The following GPLD1 variants were observed in gnomAD, a reference collection of about 807,000 sequenced individuals.
GPLD1 encodes glycosylphosphatidylinositol specific phospholipase D1.
GPLD1 carries 84 observed loss-of-function variants against 112.6 expected under a neutral mutation model. The observed-to-expected ratio is 0.75, with a 90% confidence interval of 0.63 to 0.89. GPLD1 has a LOEUF of 0.89. Ranked by LOEUF, GPLD1 falls within the 40% of genes least tolerant of loss-of-function variation. The pLI is 0.00. For missense variants in GPLD1, 1,044 were observed against 1,051.5 expected (o/e 0.99, Z 0.10); for synonymous variants, 386 against 403.8 (o/e 0.96, Z 0.53).
At chr6:24,478,389 G>A (rs1314259344) in intron 3 of GPLD1, among the ~76,000 whole-genome samples, 3 of 152,180 alleles carry the variant, frequency 2.0e-5, no homozygotes, top group Non-Finnish European at 4.4e-5. Context: ...ATTAGCCCCA[G>A]ATAGTTCATT....
At chr6:24,432,957 G>A (rs567258365) in intron 24 of GPLD1, among the ~76,000 whole-genome samples, 36 of 152,320 alleles carry the variant, frequency 2.4e-4, no homozygotes, top group Admixed American at 2.3e-3. Context: ...TACAAAATTA[G>A]GTGGCAGACG....
intron 1 of GPLD1, 54 bp from the exon 2 acceptor site, chr6:24,486,184 A>T (rs533760083): frequency 1.0e-4 from 102 of 1,006,780 alleles, no homozygotes; most frequent in South Asian, 8.4e-4. Context: ...TGAAAACATA[A>T]CTTAGGCGAG....
rs1384025641 is a variant in GPLD1, at chr6:24,427,923, G to A, written c.*1109C>T. ...CCAGGAACAGAAAACCAAATACCAA[G>A]TATAGCATGTTCTCACAAGTGGGTG... On this transcript the variant is annotated 3_prime_UTR_variant, in exon 25 of 25. Coordinates refer to ENST00000230036, the MANE Select transcript of GPLD1 (RefSeq NM_001503.4). Among the ~76,000 whole-genome samples, 1 of 149,806 alleles carries A rather than the reference G, an allele frequency of 6.7e-6. No individual in the cohort carries two copies. Among genetic ancestry groups the A allele is most frequent in the Non-Finnish European group, 1.5e-5 (1 of 67,622 alleles).
At chr6:24,467,046 T>C in intron 8 of GPLD1, 107 bp from the exon 9 acceptor site, 2 of 1,109,272 alleles carry the variant, frequency 1.8e-6, no homozygotes, top group Non-Finnish European at 2.8e-6. Context: ...GTCATGCAAC[T>C]GCCTTTGAAT....
intron 15 of GPLD1, 114 bp downstream of exon 15, chr6:24,449,675 T>C (rs1581746726): frequency 1.4e-6 from 1 of 721,700 alleles, no homozygotes; most frequent in Non-Finnish European, 2.4e-6. Context: ...AAATGCTCTG[T>C]CTCACACACT....
Position 24,445,633 on chromosome 6 carries a change from C to G in GPLD1, c.1933G>C (p.Gly645Arg). 1 of 1,613,090 alleles carries G rather than the reference C, an allele frequency of 6.2e-7. No homozygotes were observed. The highest frequency in any genetic ancestry group is 8.5e-7 in the Non-Finnish European group (1 of 1,179,114). The change falls in exon 20 of 25, where the codon GGG (glycine) becomes CGG (arginine). Residue 645 changes from glycine (G) to arginine (R), a missense_variant. Physicochemically the swap from Gly to Arg is moderately radical, Grantham distance 125 (BLOSUM62 -2). Transcript: ENST00000230036. ...CTGGAAAGGGAAGTACCCAGTTTCC[C>G]CATTGCCTGTGAGACACAATAAATC... is the stretch of plus-strand genomic sequence containing the variant. Reference protein sequence around the residue: ...WFTISGDKAMGKLGTSLSSGH... With the variant: ...WFTISGDKAMRKLGTSLSSGH...
intron 20 of GPLD1, among the ~76,000 whole-genome samples, chr6:24,440,664 G>A (rs1281338108): frequency 2.7e-5 from 4 of 148,160 alleles, no homozygotes; most frequent in African/African-American, 9.9e-5. Flanking sequence ...GAGATGGGAG[G>A]ATCACTTGAG....
chr6:24,461,658 G>A (rs1462846364), intron 11 of GPLD1, among the ~76,000 whole-genome samples: 1 of 152,156 alleles, frequency 6.6e-6, no homozygotes, highest in Non-Finnish European at 1.5e-5. Flanking sequence ...ACCCTCCTGT[G>A]CCCAGGCCAG....
upstream of GPLD1, chr6:24,489,643 C>G (rs960441403): frequency 2.1e-5 from 31 of 1,448,078 alleles, no homozygotes; most frequent in African/African-American, 1.0e-4. Context: ...AACCAAGCCT[C>G]ATTTCAAAAT....
At position 24,428,956 on chromosome 6, in the gene GPLD1, T is replaced by C. The variant is rs1481362183; in HGVS notation, c.*76A>G. Reference sequence around the variant, plus strand: ...CACCGCTCCACTGGATGTGCCACTTTGTCCATCAAAATGCTCACCATGGAT... The same window carrying C: ...CACCGCTCCACTGGATGTGCCACTTCGTCCATCAAAATGCTCACCATGGAT... On this transcript the variant is annotated 3_prime_UTR_variant, in exon 25 of 25. Transcript: ENST00000230036. The C allele has an allele frequency of 4.1e-6, 4 of 985,206 alleles. No homozygotes were observed. The highest frequency in any genetic ancestry group is 6.2e-6 in the Non-Finnish European group (4 of 642,210). 61.0% of individuals were successfully genotyped at this position (985,206 alleles called of 1,614,324 possible). A position where few individuals can be genotyped will look rare whatever the true frequency, so the allele number is the denominator to read the frequency against.
chr6:24,435,279 G>A (rs1161449458), intron 22 of GPLD1, among the ~76,000 whole-genome samples: 3 of 152,054 alleles, frequency 2.0e-5, no homozygotes, highest in Non-Finnish European at 4.4e-5. Context: ...CCAAAGTGCT[G>A]GGATTACAGG....
chr6:24,474,081 GCAC>G (rs1379413440), intron 5 of GPLD1, among the ~76,000 whole-genome samples: 1 of 151,726 alleles, frequency 6.6e-6, no homozygotes, highest in Non-Finnish European at 1.5e-5. Flanking sequence ...AGCCGAGATT[GCAC>G]CACTGAACTC....
chr6:24,449,706 G>T, intron 15 of GPLD1, 83 bp downstream of exon 15: 1 of 857,608 alleles, frequency 1.2e-6, no homozygotes, highest in Non-Finnish European at 1.9e-6. Flanking sequence ...TTTGCTCCAG[G>T]GGCTCATCCC....
In GPLD1 at chr6:24,454,203, T is replaced by C. The variant is rs1486495143; in HGVS notation, c.1149-2A>G. The C allele has an allele frequency of 6.2e-7, 1 of 1,606,106 alleles. No homozygotes were observed. Among genetic ancestry groups the C allele is most frequent in the Non-Finnish European group, 8.5e-7 (1 of 1,175,346 alleles). On this transcript the variant is annotated splice_acceptor_variant, in intron 13 of 24. Coordinates refer to ENST00000230036, the MANE Select transcript of GPLD1 (RefSeq NM_001503.4). LOFTEE classifies it high-confidence loss of function. Reference sequence around the variant, plus strand: ...TTGAGGTCAGCTGAGGTCATTGCCCTTAGGGAAGTGAAGGGACCCACCATG... The same window carrying C: ...TTGAGGTCAGCTGAGGTCATTGCCCCTAGGGAAGTGAAGGGACCCACCATG...
chr6:24,445,356 T>C (rs779509138), intron 20 of GPLD1, among the ~76,000 whole-genome samples, 190 bp downstream of exon 20: 1 of 152,156 alleles, frequency 6.6e-6, no homozygotes, highest in Non-Finnish European at 1.5e-5. Context: ...TTCAGTTTTG[T>C]AGATGGTGAT....
intron 3 of GPLD1, among the ~76,000 whole-genome samples, chr6:24,478,606 G>C (rs1000303966): frequency 2.0e-5 from 3 of 152,132 alleles, no homozygotes; most frequent in African/African-American, 7.2e-5. Context: ...GATTGGGTTG[G>C]GTTTGGCCAA....
At chr6:24,467,486 C>T (rs190042789) in intron 7 of GPLD1, among the ~76,000 whole-genome samples, 6 of 152,208 alleles carry the variant, frequency 3.9e-5, no homozygotes, top group Admixed American at 2.0e-4. Context: ...GATTAAGGCA[C>T]AGAAAAGTTA....
At chr6:24,471,726 C>T (rs894436213) in intron 7 of GPLD1, among the ~76,000 whole-genome samples, 2 of 152,084 alleles carry the variant, frequency 1.3e-5, no homozygotes, top group African/African-American at 4.8e-5. Context: ...GGTTTTCTTT[C>T]TTTTTATTTA....
Position 24,446,838 on chromosome 6 carries a change from C to A in GPLD1, c.1820G>T (p.Arg607Met). 13 of 1,613,396 alleles carry A rather than the reference C, an allele frequency of 8.1e-6. No homozygotes were observed. Among genetic ancestry groups the A allele is most frequent in the Non-Finnish European group, 1.1e-5 (13 of 1,179,650 alleles). The change falls in exon 18 of 25, where the codon AGG becomes ATG. Residue 607 changes from arginine (R) to methionine (M), a missense_variant and splice_region_variant. Coordinates refer to ENST00000230036, the MANE Select transcript of GPLD1 (RefSeq NM_001503.4). ...TCCCAGCCCCCAGCATCAGCCTCAC[C>A]TGCTGGCATTCTTCCAGGTCGGGCT... ...VGSPTWKNAS[R>M]LGHLLHIRDE...
Sources: gnomAD v4.1 joint callset for allele counts (sites outside exome capture counted in the v4.1 genomes callset) on GRCh38, gnomAD v4.1.1 for gene constraint, MANE v1.5 for transcripts, NCBI Gene and HGNC (gene_info 2026-07-23, HGNC 2026-07-21) for gene names.